UNC5D: variants seen among roughly 807,000 people sequenced by gnomAD.
UNC5D encodes the protein netrin receptor UNC5D.
A neutral mutation model predicts 105.4 loss-of-function variants in UNC5D; 39 were observed. The ratio of observed to expected loss-of-function variants is 0.37; its 90% CI spans 0.29 to 0.48. UNC5D has a LOEUF of 0.48. Among genes scored for constraint, UNC5D ranks in the 20% least tolerant of loss-of-function variants. UNC5D has a pLI of 0.98. For missense variants in UNC5D, 991 were observed against 1,202.4 expected, an observed-to-expected ratio of 0.82 and a Z score of 2.60; for synonymous variants, 452 against 450.4, an observed-to-expected ratio of 1.00 and a Z score of -0.04.
intron 1 of UNC5D, among the ~76,000 whole-genome samples, chr8:35,449,466 T>C (rs895382262): frequency 6.6e-6 from 1 of 152,174 alleles, no homozygotes; most frequent in Non-Finnish European, 1.5e-5. Context: ...TCCCGCCCCA[T>C]GCATTTAGCA....
chr8:35,579,971 A>G (rs1379484783), intron 3 of UNC5D, among the ~76,000 whole-genome samples: 1 of 152,170 alleles, frequency 6.6e-6, no homozygotes, highest in African/African-American at 2.4e-5. Context: ...GTTGAAGAGG[A>G]AGGTACAAAT....
intron 1 of UNC5D, among the ~76,000 whole-genome samples, chr8:35,242,705 C>T (rs1363146357): frequency 6.6e-6 from 1 of 152,070 alleles, no homozygotes; most frequent in Non-Finnish European, 1.5e-5. Flanking sequence ...AAACTCCTGA[C>T]CTCGGGATCT....
At chr8:35,600,626 G>A (rs1200646855) in intron 4 of UNC5D, among the ~76,000 whole-genome samples, 8 of 152,158 alleles carry the variant, frequency 5.3e-5, no homozygotes, top group East Asian at 1.9e-4. Flanking sequence ...CATATCCTTC[G>A]CCCACTTTTT....
At chr8:35,447,005 T>C (rs536797416) in intron 1 of UNC5D, among the ~76,000 whole-genome samples, 2 of 152,164 alleles carry the variant, frequency 1.3e-5, no homozygotes, top group South Asian at 4.1e-4. Flanking sequence ...GCGACTCCCA[T>C]CACCACCACC....
chr8:35,573,618 T>C (rs938633384), intron 3 of UNC5D, among the ~76,000 whole-genome samples: 2 of 152,124 alleles, frequency 1.3e-5, no homozygotes, highest in Non-Finnish European at 2.9e-5. Flanking sequence ...AAAACCATAA[T>C]AGAAAAAAGT....
intron 16 of UNC5D, among the ~76,000 whole-genome samples, chr8:35,782,760 C>T (rs897008443): frequency 1.3e-5 from 2 of 152,088 alleles, no homozygotes; most frequent in Non-Finnish European, 2.9e-5. Flanking sequence ...TCCTCGGCCT[C>T]CCAAAGTGCT....
chr8:35,778,610 C>A (rs1252856608), intron 16 of UNC5D, among the ~76,000 whole-genome samples: 1 of 152,190 alleles, frequency 6.6e-6, no homozygotes, highest in African/African-American at 2.4e-5. Flanking sequence ...TCTATTCAGG[C>A]AGTTCACCTA....
chr8:35,434,199 C>A (rs1279663504), intron 1 of UNC5D, among the ~76,000 whole-genome samples: 1 of 152,006 alleles, frequency 6.6e-6, no homozygotes, highest in Admixed American at 6.6e-5. Context: ...TAAATTAAAT[C>A]TCAATTTCAC....
intron 2 of UNC5D, among the ~76,000 whole-genome samples, chr8:35,564,211 A>C (rs989710725): frequency 6.6e-6 from 1 of 151,972 alleles, no homozygotes; most frequent in Non-Finnish European, 1.5e-5. Context: ...ATTCTGGAGA[A>C]TATGTTATGT....
At chr8:35,527,676 A>C (rs1163161386) in intron 1 of UNC5D, among the ~76,000 whole-genome samples, 1 of 151,938 alleles carries the variant, frequency 6.6e-6, no homozygotes, top group Non-Finnish European at 1.5e-5. Flanking sequence ...CTCAGTATCT[A>C]GGACTACAGG....
At chr8:35,546,069 A>AT (rs1451351034) in intron 1 of UNC5D, among the ~76,000 whole-genome samples, 1 of 151,776 alleles carries the variant, frequency 6.6e-6, no homozygotes, top group Non-Finnish European at 1.5e-5. Flanking sequence ...TTATTTTTAA[A>AT]TTTTTTTGCA....
At chr8:35,649,773 A>G (rs1033875180) in intron 4 of UNC5D, among the ~76,000 whole-genome samples, 3 of 152,138 alleles carry the variant, frequency 2.0e-5, no homozygotes, top group Non-Finnish European at 2.9e-5. Flanking sequence ...AACTTTAGAG[A>G]TTTTCTAGAA....
At chr8:35,379,362 G>T (rs1045826864) in intron 1 of UNC5D, among the ~76,000 whole-genome samples, 3 of 152,094 alleles carry the variant, frequency 2.0e-5, no homozygotes, top group Non-Finnish European at 2.9e-5. Context: ...TGTTTACTAA[G>T]TTGCCACAGC....
At chr8:35,292,716 C>CTTTTTTT (rs35935733) in intron 1 of UNC5D, among the ~76,000 whole-genome samples, 3 of 123,622 alleles carry the variant, frequency 2.4e-5, no homozygotes, top group African/African-American at 6.0e-5. Flanking sequence ...CTTTTTTTTC[C>CTTTTTTT]TTTTTTTTTT....
chr8:35,380,089 G>GGC (rs1554519172), intron 1 of UNC5D, among the ~76,000 whole-genome samples: 1 of 111,858 alleles, frequency 8.9e-6, no homozygotes, highest in Non-Finnish European at 1.9e-5. Flanking sequence ...ATTGGGGGTG[G>GGC]GGGGGGGGTC....
At chr8:35,780,141 C>T (rs1292135979) in intron 16 of UNC5D, among the ~76,000 whole-genome samples, 3 of 152,140 alleles carry the variant, frequency 2.0e-5, no homozygotes, top group Non-Finnish European at 4.4e-5. Context: ...TTCCCAGTGC[C>T]CTCCTCAATA....
At chr8:35,248,962 ATATATAT>A (rs1803456521) in intron 1 of UNC5D, among the ~76,000 whole-genome samples, 1 of 92,626 alleles carries the variant, frequency 1.1e-5, no homozygotes, top group South Asian at 3.1e-4. Context: ...AACATATATA[ATATATAT>A]TATATATTTT....
chr8:35,563,886 T>C (rs1241973683), intron 2 of UNC5D, among the ~76,000 whole-genome samples: 1 of 152,148 alleles, frequency 6.6e-6, no homozygotes, highest in Admixed American at 6.5e-5. Flanking sequence ...TTTCTTATTT[T>C]TGGTTCTGTT....
intron 4 of UNC5D, among the ~76,000 whole-genome samples, chr8:35,678,081 T>A (rs1180653886): frequency 6.6e-6 from 1 of 152,140 alleles, no homozygotes; most frequent in East Asian, 1.9e-4. Flanking sequence ...CAGACCATAG[T>A]ATATGTCTAT....
Sources: allele counts gnomAD v4.1 joint callset (sites outside exome capture counted in the v4.1 genomes callset), GRCh38; gene constraint gnomAD v4.1.1; transcripts MANE v1.5; gene names NCBI Gene and HGNC (gene_info 2026-07-23, HGNC 2026-07-21).